The following ERBB4 variants were observed in gnomAD, a reference collection of about 807,000 sequenced individuals.
ERBB4 encodes the protein receptor tyrosine-protein kinase erbB-4.
ERBB4 carries 42 observed loss-of-function variants against 158.0 expected under a neutral mutation model. The ratio of observed to expected loss-of-function variants is 0.27; its 90% CI spans 0.21 to 0.34. The LOEUF (loss-of-function observed/expected upper bound fraction) is 0.34, where lower values mean the gene tolerates loss of function less well. Ranked by LOEUF, ERBB4 falls within the 10% of genes least tolerant of loss-of-function variation. The probability of loss-of-function intolerance (pLI) is 1.00; values close to 1 mark genes in which losing one functional copy is unlikely to be tolerated. For synonymous variants in ERBB4, 583 were observed against 558.7 expected, an observed-to-expected ratio of 1.04 and a Z score of -0.61; for missense variants, 1,333 against 1,624.1, an observed-to-expected ratio of 0.82 and a Z score of 3.08.
chr2:211,666,742 C>T (rs1180994757), intron 14 of ERBB4, among the ~76,000 whole-genome samples: 1 of 152,168 alleles, frequency 6.6e-6, no homozygotes, highest in Non-Finnish European at 1.5e-5. Flanking sequence ...TTTGACCACT[C>T]CCCTTTGGAA....
chr2:211,879,500 T>C (rs2078604248), intron 3 of ERBB4, among the ~76,000 whole-genome samples: 1 of 152,232 alleles, frequency 6.6e-6, no homozygotes, highest in Non-Finnish European at 1.5e-5. Context: ...ATGGTTGTTA[T>C]TGCCAGTTTG....
At chr2:212,101,205 G>C (rs1202411325) in intron 2 of ERBB4, among the ~76,000 whole-genome samples, 1 of 151,548 alleles carries the variant, frequency 6.6e-6, no homozygotes, top group Non-Finnish European at 1.5e-5. Context: ...TGTTAAAAAA[G>C]AAAAAGAACA....
intron 2 of ERBB4, among the ~76,000 whole-genome samples, chr2:211,978,392 G>GTCTATCTATCTATCTATCTA (rs1165469722): frequency 1.1e-4 from 11 of 102,312 alleles, no homozygotes; most frequent in African/African-American, 1.6e-4. Flanking sequence ...CTGTCTGTCT[G>GTCTATCTATCTATCTATCTA]TCTGTCTATC....
chr2:212,484,035 C>A (rs1360693670), intron 1 of ERBB4, among the ~76,000 whole-genome samples: 1 of 152,188 alleles, frequency 6.6e-6, no homozygotes, highest in South Asian at 2.1e-4. Context: ...CGCGCCTGAC[C>A]TGTCATCATG....
intron 1 of ERBB4, among the ~76,000 whole-genome samples, chr2:212,455,444 G>GT (rs1688240920): frequency 6.6e-6 from 1 of 151,502 alleles, no homozygotes; most frequent in Non-Finnish European, 1.5e-5. Context: ...TATTCTCTCT[G>GT]CATTGTCCAA....
intron 19 of ERBB4, among the ~76,000 whole-genome samples, chr2:211,570,645 TCACCTTCACTGTGCTTAC>T (rs1304898788): frequency 6.6e-6 from 1 of 152,158 alleles, no homozygotes; most frequent in Non-Finnish European, 1.5e-5. Context: ...TAGTACAACT[TCACCTTCACTGTGCTTAC>T]CACCTTCACT....
At chr2:212,192,149 ATATAT>A (rs1485971527) in intron 1 of ERBB4, among the ~76,000 whole-genome samples, 39 of 117,190 alleles carry the variant, frequency 3.3e-4, no homozygotes, top group Admixed American at 5.5e-4. Context: ...TATATGTTAT[ATATAT>A]TATATTATAT....
rs145278691 is a variant in ERBB4, at chr2:211,832,262, A to T, written c.422-44103T>A. Among the ~76,000 whole-genome samples, 304 of 152,282 alleles carry T rather than the reference A, an allele frequency of 2.0e-3. 3 individuals are homozygous for T. Among genetic ancestry groups the T allele is most frequent in the African/African-American group, 6.8e-3 (281 of 41,554 alleles). ...CATGGATTTGAAAAAAAAGTTGATTATTATGAGAGATGCATATGCCTGAGT... is the reference window on the plus strand; with the variant it reads ...CATGGATTTGAAAAAAAAGTTGATTTTTATGAGAGATGCATATGCCTGAGT... On this transcript the variant is annotated intron_variant, in intron 3 of 27. Transcript: ENST00000342788.
At chr2:211,402,813 C>T (rs1022750781) in intron 25 of ERBB4, among the ~76,000 whole-genome samples, 49 of 151,950 alleles carry the variant, frequency 3.2e-4, no homozygotes, top group Admixed American at 3.3e-4. Context: ...GAGACCACCC[C>T]ATCCATCTTG....
intron 20 of ERBB4, among the ~76,000 whole-genome samples, chr2:211,454,609 C>T (rs2064332210): frequency 6.6e-6 from 1 of 151,960 alleles, no homozygotes; most frequent in African/African-American, 2.4e-5. Flanking sequence ...ATGAAGGAAA[C>T]CAGAATTTTA....
intron 20 of ERBB4, among the ~76,000 whole-genome samples, chr2:211,524,818 G>T (rs2066298940): frequency 6.6e-6 from 1 of 152,182 alleles, no homozygotes; most frequent in Middle Eastern, 3.2e-3. Flanking sequence ...CCAGAAAGGG[G>T]CTCCCACAGT....
chr2:211,902,702 G>A (rs990781220), intron 3 of ERBB4, among the ~76,000 whole-genome samples: 15 of 151,432 alleles, frequency 9.9e-5, no homozygotes, highest in African/African-American at 3.6e-4. Context: ...TTCCTTCTAT[G>A]TATATTTTTT....
intron 1 of ERBB4, among the ~76,000 whole-genome samples, chr2:212,194,950 A>C (rs1332973634): frequency 6.6e-6 from 1 of 151,994 alleles, no homozygotes; most frequent in Non-Finnish European, 1.5e-5. Flanking sequence ...ATTGGTTATG[A>C]TTAATTGGTA....
At chr2:212,028,142 C>G (rs1183674008) in intron 2 of ERBB4, among the ~76,000 whole-genome samples, 1 of 151,922 alleles carries the variant, frequency 6.6e-6, no homozygotes, top group South Asian at 2.1e-4. Context: ...TTTTTTCAGG[C>G]TTCAAGTTGT....
In ERBB4 at chr2:211,422,041, A is replaced by T; in HGVS notation, c.2930T>A (p.Met977Lys). 1 of 1,612,360 alleles carries T rather than the reference A, an allele frequency of 6.2e-7. No homozygotes were observed. Among genetic ancestry groups the T allele is most frequent in the Non-Finnish European group, 8.5e-7 (1 of 1,178,572 alleles). Residue 977 changes from methionine (M) to lysine (K), a missense_variant, in exon 24 of 28, where the codon ATG becomes AAG. Met to Lys is a moderately conservative substitution (Grantham distance 95, BLOSUM62 -1). Transcript: ENST00000342788. The stretch of plus-strand genomic sequence containing the variant: ...TAGGTATCTTTGAGGGTCTCGAGCC[A>T]TCCTTGAAAACTCAGCAGCCAGTTC... The part of the protein sequence containing the change: ...FKELAAEFSR[M>K]ARDPQRYLVI...
At chr2:212,339,324 C>T (rs1351028334) in intron 1 of ERBB4, among the ~76,000 whole-genome samples, 1 of 152,086 alleles carries the variant, frequency 6.6e-6, no homozygotes, top group African/African-American at 2.4e-5. Context: ...CCATCCATGT[C>T]CCTGCAAAGG....
At chr2:211,987,008 T>A (rs2081954510) in intron 2 of ERBB4, among the ~76,000 whole-genome samples, 1 of 152,026 alleles carries the variant, frequency 6.6e-6, no homozygotes, top group Non-Finnish European at 1.5e-5. Context: ...AGATACTAGT[T>A]CCAGTCATAA....
intron 3 of ERBB4, among the ~76,000 whole-genome samples, chr2:211,926,804 C>T (rs887444255): frequency 6.6e-6 from 1 of 152,116 alleles, no homozygotes; most frequent in Non-Finnish European, 1.5e-5. Context: ...CTTATGTCAT[C>T]ATCCAGCCTG....
intron 1 of ERBB4, among the ~76,000 whole-genome samples, chr2:212,256,064 T>C (rs1186493721): frequency 6.6e-6 from 1 of 151,186 alleles, no homozygotes. Flanking sequence ...GAACTCCTGG[T>C]GTCAAGCAGT....
Sources: allele counts gnomAD v4.1 joint callset (sites outside exome capture counted in the v4.1 genomes callset), GRCh38; gene constraint gnomAD v4.1.1; transcripts MANE v1.5; gene names NCBI Gene and HGNC (gene_info 2026-07-23, HGNC 2026-07-21).